SNTG1: variants seen among roughly 807,000 people sequenced by gnomAD.
SNTG1 encodes syntrophin gamma 1, also known as gamma-1-syntrophin.
SNTG1 carries 39 observed loss-of-function variants against 74.7 expected under a neutral mutation model. The observed-to-expected ratio is 0.52, with a 90% confidence interval of 0.40 to 0.68. The LOEUF (loss-of-function observed/expected upper bound fraction) is 0.68, where lower values mean the gene tolerates loss of function less well. Among genes scored for constraint, SNTG1 ranks in the 30% least tolerant of loss-of-function variants. SNTG1 has a pLI of 0.00. For missense variants in SNTG1, 685 were observed against 609.5 expected, an observed-to-expected ratio of 1.12 and a Z score of -1.30; for synonymous variants, 254 against 217.1, an observed-to-expected ratio of 1.17 and a Z score of -1.49.
intron 2 of SNTG1, among the ~76,000 whole-genome samples, chr8:50,315,490 A>G (rs547921148): frequency 1.3e-5 from 2 of 150,068 alleles, no homozygotes; most frequent in East Asian, 4.0e-4. Flanking sequence ...GAACTATTTA[A>G]GAGTAGATAA....
chr8:50,611,431 A>T (rs1363252979), intron 13 of SNTG1, among the ~76,000 whole-genome samples: 4 of 152,194 alleles, frequency 2.6e-5, no homozygotes, highest in Admixed American at 2.6e-4. Flanking sequence ...GGAACTGTAG[A>T]TACACAGCAT....
chr8:50,430,205 T>A (rs1404774002), intron 4 of SNTG1, among the ~76,000 whole-genome samples: 2 of 152,184 alleles, frequency 1.3e-5, no homozygotes, highest in Admixed American at 6.6e-5. Flanking sequence ...GTCATTGAAT[T>A]GCACGCTTTA....
intron 1 of SNTG1, among the ~76,000 whole-genome samples, chr8:50,057,669 C>T (rs1211996129): frequency 6.6e-6 from 1 of 152,072 alleles, no homozygotes; most frequent in African/African-American, 2.4e-5. Context: ...ACTATGTACA[C>T]AGAATGAAGT....
At chr8:50,310,197 T>C (rs956278760) in intron 2 of SNTG1, among the ~76,000 whole-genome samples, 87 of 152,316 alleles carry the variant, frequency 5.7e-4, no homozygotes, top group African/African-American at 2.1e-3. Context: ...ATATCTGCTT[T>C]GTTTTATCTC....
intron 4 of SNTG1, among the ~76,000 whole-genome samples, chr8:50,437,087 T>G (rs1403790540): frequency 6.6e-6 from 1 of 152,150 alleles, no homozygotes; most frequent in East Asian, 1.9e-4. Flanking sequence ...ATAATTTTAA[T>G]GTTGGTTTGA....
intron 17 of SNTG1, among the ~76,000 whole-genome samples, chr8:50,751,671 C>A (rs2095567720): frequency 3.9e-5 from 6 of 151,980 alleles, no homozygotes; most frequent in Admixed American, 3.3e-4. Context: ...ATGATCAATT[C>A]AAAATCACTT....
At chr8:49,994,997 T>G (rs1403698978) in intron 1 of SNTG1, among the ~76,000 whole-genome samples, 1 of 83,224 alleles carries the variant, frequency 1.2e-5, no homozygotes, top group Non-Finnish European at 2.6e-5. Context: ...ACCTCATAAT[T>G]TAAATAAGAA....
chr8:50,449,568 A>C, intron 5 of SNTG1, 100 bp from the exon 6 acceptor site: 4 of 768,894 alleles, frequency 5.2e-6, no homozygotes, highest in Non-Finnish European at 7.4e-6. Flanking sequence ...ATTCTGCCTA[A>C]TATCCACTTA....
chr8:50,423,474 C>T (rs1436376624), intron 4 of SNTG1, among the ~76,000 whole-genome samples: 1 of 152,134 alleles, frequency 6.6e-6, no homozygotes, highest in Non-Finnish European at 1.5e-5. Context: ...TATGTTTTTG[C>T]ACTCAACATG....
At chr8:50,543,267 T>A (rs2094361525) in intron 11 of SNTG1, among the ~76,000 whole-genome samples, 1 of 152,176 alleles carries the variant, frequency 6.6e-6, no homozygotes, top group South Asian at 2.1e-4. Flanking sequence ...TGGTGAGGGA[T>A]AGGGCTCTAG....
At chr8:50,089,465 A>C (rs1031975023) in intron 1 of SNTG1, among the ~76,000 whole-genome samples, 1 of 151,658 alleles carries the variant, frequency 6.6e-6, no homozygotes, top group Non-Finnish European at 1.5e-5. Context: ...CAGAGTGAAC[A>C]GGCAACCTAC....
At chr8:50,703,070 CTT>C (rs2095431567) in intron 15 of SNTG1, among the ~76,000 whole-genome samples, 2 of 152,058 alleles carry the variant, frequency 1.3e-5, no homozygotes. Context: ...GCACTATAGA[CTT>C]TATAAATACT....
chr8:49,999,610 G>A (rs755004482), intron 1 of SNTG1, among the ~76,000 whole-genome samples: 2 of 151,866 alleles, frequency 1.3e-5, no homozygotes, highest in Admixed American at 1.3e-4. Flanking sequence ...ACAGTGCTTT[G>A]CACCTGCGAT....
intron 1 of SNTG1, among the ~76,000 whole-genome samples, chr8:50,000,935 AG>A (rs1186044752): frequency 2.6e-5 from 4 of 152,226 alleles, no homozygotes; most frequent in Non-Finnish European, 1.5e-5. Flanking sequence ...CAAGAGATAG[AG>A]TTGTCAAAGC....
At chr8:50,092,695 T>C (rs2079784058) in intron 1 of SNTG1, among the ~76,000 whole-genome samples, 2 of 152,172 alleles carry the variant, frequency 1.3e-5, no homozygotes, top group African/African-American at 4.8e-5. Context: ...CACAGGTATT[T>C]CCCTAATATA....
chr8:50,463,716 A>G (rs1231617188), intron 8 of SNTG1, among the ~76,000 whole-genome samples: 1 of 152,162 alleles, frequency 6.6e-6, no homozygotes, highest in Non-Finnish European at 1.5e-5. Flanking sequence ...CATTTTCAAA[A>G]TGGTACACAG....
intron 2 of SNTG1, among the ~76,000 whole-genome samples, chr8:50,381,672 A>ATG (rs2092485488): frequency 7.8e-6 from 1 of 128,288 alleles, no homozygotes; most frequent in South Asian, 2.4e-4. Context: ...TATTAGTTAT[A>ATG]TATATATAGG....
At chr8:49,958,700 T>C (rs1275364073) in intron 1 of SNTG1, among the ~76,000 whole-genome samples, 1 of 152,218 alleles carries the variant, frequency 6.6e-6, no homozygotes. Flanking sequence ...ATTACAGGCG[T>C]GAGCCACTAC....
chr8:50,243,648 A>AT (rs147883107), intron 2 of SNTG1, among the ~76,000 whole-genome samples: 2,650 of 151,806 alleles, frequency 0.017, 84 homozygotes, highest in African/African-American at 0.059. Context: ...AATGTGATGC[A>AT]TTTTAAGGCG....
Sources: allele counts gnomAD v4.1 joint callset (sites outside exome capture counted in the v4.1 genomes callset), GRCh38; gene constraint gnomAD v4.1.1; transcripts MANE v1.5; gene names NCBI Gene and HGNC (gene_info 2026-07-23, HGNC 2026-07-21).